Variants in LRRIQ1 observed in about 807,000 individuals in gnomAD.
LRRIQ1 encodes leucine rich repeats and IQ motif containing 1.
In LRRIQ1, 210 loss-of-function variants were observed where a neutral mutation model predicts 211.9. That is an observed-to-expected ratio of 0.99 (90% confidence interval 0.89 to 1.11). The LOEUF (loss-of-function observed/expected upper bound fraction) is 1.11, where lower values mean the gene tolerates loss of function less well. Among genes scored for constraint, LRRIQ1 ranks in the 50% most tolerant of loss-of-function variants. The probability of loss-of-function intolerance (pLI) is 0.00; values close to 1 mark genes in which losing one functional copy is unlikely to be tolerated. For missense variants in LRRIQ1, 2,136 were observed against 1,939.5 expected (o/e 1.10, Z -1.90); for synonymous variants, 699 against 650.1 (o/e 1.08, Z -1.14).
chr12:85,055,874 GAAAAAGAATATGAAGAA>G lies in LRRIQ1; in HGVS notation c.1093_1109del (p.Glu365CysfsTer28). The G allele has an allele frequency of 6.6e-7, 1 of 1,517,160 alleles. No homozygotes were observed. The highest frequency in any genetic ancestry group is 1.4e-5 in the South Asian group (1 of 72,914). 94.0% of individuals were successfully genotyped at this position (1,517,160 alleles called of 1,614,324 possible). On this transcript the variant is annotated frameshift_variant, in exon 8 of 27. Transcript: ENST00000393217. LOFTEE classifies it high-confidence loss of function. ...AAAGGAAGAGGAAAGGAAAAGGAGAGAAAAAGAATATGAAGAAAAAAAGAATATTGTGAAACAGGAAA... is the reference window on the plus strand; with the variant it reads ...AAAGGAAGAGGAAAGGAAAAGGAGAGAAAAAGAATATTGTGAAACAGGAAA...
At position 85,230,432 on chromosome 12, in the gene LRRIQ1, T is replaced by C. The variant is rs73365732; in HGVS notation, c.4955+783T>C. 8.6e-3 allele frequency among the ~76,000 whole-genome samples: 1,304 copies of C among 152,300 alleles called. 21 individuals are homozygous for C. Among genetic ancestry groups the C allele is most frequent in the African/African-American group, 0.031 (1,272 of 41,556 alleles). On this transcript the variant is annotated intron_variant, in intron 25 of 26. Transcript: ENST00000393217. ...TCACAAGGATGTGGACTGTGTTGTC[T>C]TTGTTCTAATCTTCTCTTCCTATAA...
chr12:85,043,443 A>G (rs1167260162), intron 3 of LRRIQ1, among the ~76,000 whole-genome samples: 1 of 152,076 alleles, frequency 6.6e-6, no homozygotes, highest in East Asian at 1.9e-4. Context: ...CAGATCATGT[A>G]GATTCTGAGA....
At chr12:85,135,629 C>A (rs1249141400) in intron 18 of LRRIQ1, among the ~76,000 whole-genome samples, 3 of 118,088 alleles carry the variant, frequency 2.5e-5, no homozygotes, top group African/African-American at 9.5e-5. Flanking sequence ...TTAATGAGGT[C>A]TCCTAGCATT....
intron 24 of LRRIQ1, among the ~76,000 whole-genome samples, chr12:85,227,092 T>G (rs1233675334): frequency 6.7e-6 from 1 of 150,094 alleles, no homozygotes; most frequent in African/African-American, 2.5e-5. Flanking sequence ...TATTTCTAGT[T>G]CTAGATCCTT....
chr12:85,047,695 A>T (rs566976294), intron 6 of LRRIQ1: 3 of 416,218 alleles, frequency 7.2e-6, no homozygotes, highest in African/African-American at 2.0e-5. Flanking sequence ...TTGGGGGCCA[A>T]TGGAGTCTAT....
chr12:85,112,332 T>C (rs1887238870), intron 15 of LRRIQ1, among the ~76,000 whole-genome samples: 1 of 151,608 alleles, frequency 6.6e-6, no homozygotes, highest in Non-Finnish European at 1.5e-5. Flanking sequence ...GTTTTTAAAA[T>C]CAATATTAAT....
intron 25 of LRRIQ1, among the ~76,000 whole-genome samples, chr12:85,230,888 A>C (rs1487309562): frequency 1.3e-5 from 2 of 152,114 alleles, no homozygotes; most frequent in Admixed American, 6.5e-5. Flanking sequence ...TCTCTACTAA[A>C]AATACAACAA....
At chr12:85,133,685 A>G (rs1888931385) in intron 18 of LRRIQ1, among the ~76,000 whole-genome samples, 1 of 152,098 alleles carries the variant, frequency 6.6e-6, no homozygotes, top group Non-Finnish European at 1.5e-5. Context: ...TGGATGGGTA[A>G]AGGAGTAGAG....
chr12:85,044,688 G>T, intron 3 of LRRIQ1, 30 bp from the exon 4 acceptor site: 1 of 1,141,312 alleles, frequency 8.8e-7, no homozygotes, highest in Admixed American at 2.0e-5. Context: ...CTCTAATATT[G>T]GAAGTTATAT....
At chr12:85,251,849 G>A (rs755111844) in intron 1 of LRRIQ1, among the ~76,000 whole-genome samples, 37 of 149,266 alleles carry the variant, frequency 2.5e-4, no homozygotes, top group Non-Finnish European at 4.9e-4. Flanking sequence ...TCTGCAACTA[G>A]AACAATACAA....
rs181874154 is a variant in LRRIQ1, at chr12:85,252,818, A to G, written c.121+7909A>G. Among the ~76,000 whole-genome samples, 8 of 152,080 alleles carry G rather than the reference A, an allele frequency of 5.3e-5. No individual in the cohort carries two copies. The East Asian group carries it at 1.4e-3, about 26-fold the overall frequency. On this transcript the variant is annotated intron_variant, in intron 1 of 1. Transcript: ENST00000602731. ...TTAAAAATTGTACCTTTGAAGTTAT[A>G]TATGGCCATTTGATTCAACAAACTC...
chr12:85,067,801 TAAAAC>T (rs935232457), intron 10 of LRRIQ1, among the ~76,000 whole-genome samples: 4 of 151,868 alleles, frequency 2.6e-5, no homozygotes, highest in Admixed American at 6.6e-5. Context: ...TAAATGAAAT[TAAAAC>T]AAAAGAGAAA....
At chr12:85,088,621 T>G (rs1885074516) in intron 11 of LRRIQ1, among the ~76,000 whole-genome samples, 1 of 152,184 alleles carries the variant, frequency 6.6e-6, no homozygotes, top group African/African-American at 2.4e-5. Flanking sequence ...TTTTATTTCG[T>G]TGAGTAGTGG....
At chr12:85,085,181 C>A (rs148554727) in intron 11 of LRRIQ1, among the ~76,000 whole-genome samples, 2 of 151,884 alleles carry the variant, frequency 1.3e-5, no homozygotes, top group Non-Finnish European at 2.9e-5. Flanking sequence ...GTGATAAATA[C>A]CCGAGACTGG....
chr12:85,259,609 A>G (rs1896227232), intron 1 of LRRIQ1, among the ~76,000 whole-genome samples: 1 of 152,156 alleles, frequency 6.6e-6, no homozygotes, highest in African/African-American at 2.4e-5. Context: ...AGAACAATAC[A>G]ACTCAAGCTT....
chr12:85,131,660 T>C (rs1888772387), intron 18 of LRRIQ1, among the ~76,000 whole-genome samples: 1 of 152,064 alleles, frequency 6.6e-6, no homozygotes. Context: ...AGAACTAGAA[T>C]CTTAAGAGAA....
intron 1 of LRRIQ1, among the ~76,000 whole-genome samples, chr12:85,254,798 T>C (rs965298948): frequency 6.6e-6 from 1 of 152,042 alleles, no homozygotes; most frequent in Non-Finnish European, 1.5e-5. Context: ...TTAAAATATG[T>C]GTTCATGTAA....
At position 85,192,918 on chromosome 12, in the gene LRRIQ1, T is replaced by C. The variant is rs1365184061; in HGVS notation, c.4822+32204T>C. 3.8e-4 allele frequency among the ~76,000 whole-genome samples: 36 copies of C among 94,488 alleles called. 1 individual carries two copies. Among genetic ancestry groups the C allele is most frequent in the African/African-American group, 1.6e-3 (36 of 22,622 alleles). The allele number at this position is 94,488 out of a possible 152,430, so 62.0% of individuals were successfully genotyped here. ...TATATACTATAATTATACATAAATATATAATTATATAATATAATTATATAT... is the reference window on the plus strand; with the variant it reads ...TATATACTATAATTATACATAAATACATAATTATATAATATAATTATATAT... On this transcript the variant is annotated intron_variant, in intron 24 of 26. Coordinates refer to ENST00000393217, the MANE Select transcript of LRRIQ1 (RefSeq NM_001079910.2).
intron 10 of LRRIQ1, among the ~76,000 whole-genome samples, chr12:85,067,941 T>C (rs1882621071): frequency 6.6e-6 from 1 of 151,964 alleles, no homozygotes; most frequent in African/African-American, 2.4e-5. Flanking sequence ...TTTTACCTCT[T>C]ATCACCCAAC....
Sources: allele counts gnomAD v4.1 joint callset (sites outside exome capture counted in the v4.1 genomes callset), GRCh38; gene constraint gnomAD v4.1.1; transcripts MANE v1.5; gene names NCBI Gene and HGNC (gene_info 2026-07-23, HGNC 2026-07-21).